The following CPAMD8 variants were observed in gnomAD, a reference collection of about 807,000 sequenced individuals.
CPAMD8 encodes the protein C3 and PZP-like alpha-2-macroglobulin domain-containing protein 8.
Under a neutral mutation model 224.7 loss-of-function variants are expected in CPAMD8, and 146 were observed. The ratio of observed to expected loss-of-function variants is 0.65; its 90% CI spans 0.57 to 0.75. The LOEUF (loss-of-function observed/expected upper bound fraction) is 0.75. Among genes scored for constraint, CPAMD8 ranks in the 30% least tolerant of loss-of-function variants. The pLI, the probability that CPAMD8 is intolerant of heterozygous loss-of-function variation, is 0.00. For missense variants in CPAMD8, 2,301 were observed against 2,537.5 expected (o/e 0.91, Z 2.00); for synonymous variants, 966 against 1,044.6 (o/e 0.92, Z 1.45).
At chr19:16,908,792 A>T (rs2052616097) in intron 29 of CPAMD8, among the ~76,000 whole-genome samples, 1 of 152,152 alleles carries the variant, frequency 6.6e-6, no homozygotes, top group Non-Finnish European at 1.5e-5. Flanking sequence ...TGTGCCAGGG[A>T]TGAACCCGGC....
chr19:16,968,661 C>T (rs1034852559), intron 18 of CPAMD8, among the ~76,000 whole-genome samples: 2 of 152,092 alleles, frequency 1.3e-5, no homozygotes, highest in African/African-American at 4.8e-5. Flanking sequence ...AAATTAGAGA[C>T]AGAGTCTCAC....
chr19:16,944,707 G>A (rs2054012340), intron 22 of CPAMD8, among the ~76,000 whole-genome samples: 1 of 151,230 alleles, frequency 6.6e-6, no homozygotes. Flanking sequence ...TCACATCAAC[G>A]ACACTACAGC....
chr19:16,910,273 G>T (rs193052758), intron 29 of CPAMD8, among the ~76,000 whole-genome samples: 1 of 151,334 alleles, frequency 6.6e-6, no homozygotes, highest in Middle Eastern at 3.4e-3. Context: ...AGGTTCAAGC[G>T]ATTCTTCTGC....
intron 12 of CPAMD8, among the ~76,000 whole-genome samples, chr19:16,992,055 C>T (rs1477504909): frequency 6.6e-5 from 10 of 152,148 alleles, no homozygotes; most frequent in South Asian, 6.2e-4. Context: ...TTCCCATCTA[C>T]GTATTTACTC....
At chr19:16,935,785 T>G (rs1406108788) in intron 23 of CPAMD8, among the ~76,000 whole-genome samples, 1 of 152,202 alleles carries the variant, frequency 6.6e-6, no homozygotes. Context: ...TACTGAGTGG[T>G]GGGGTAGTTG....
chr19:16,946,882 A>G (rs2054119604), intron 21 of CPAMD8, among the ~76,000 whole-genome samples, 192 bp downstream of exon 21: 1 of 152,136 alleles, frequency 6.6e-6, no homozygotes, highest in East Asian at 1.9e-4. Context: ...GTGAGACCCC[A>G]GGGCTTGCCT....
chr19:16,896,359 T>G (rs1410505265), intron 40 of CPAMD8, 33 bp from the exon 41 acceptor site: 1 of 1,560,874 alleles, frequency 6.4e-7, no homozygotes, highest in Non-Finnish European at 8.7e-7. Flanking sequence ...CGGGAGGGCG[T>G]GGCGGGGAGG....
chr19:17,011,048 G>A (rs1168872911), intron 5 of CPAMD8, among the ~76,000 whole-genome samples: 1 of 151,642 alleles, frequency 6.6e-6, no homozygotes, highest in Non-Finnish European at 1.5e-5. Flanking sequence ...AAAAAAATCA[G>A]CCGGGCGTGG....
chr19:16,925,151 G>C, intron 26 of CPAMD8, 45 bp downstream of exon 26: 2 of 1,602,006 alleles, frequency 1.2e-6, no homozygotes, highest in Non-Finnish European at 1.7e-6. Flanking sequence ...GGCTGAACCT[G>C]CCTCCCTTGC....
At chr19:16,896,388 G>C (rs1164615046) in intron 40 of CPAMD8, 62 bp from the exon 41 acceptor site, 3 of 1,521,156 alleles carry the variant, frequency 2.0e-6, no homozygotes, top group Non-Finnish European at 2.6e-6. Flanking sequence ...GGGCCGAGGG[G>C]AGGAGATCCG....
At chr19:17,011,396 T>A in intron 5 of CPAMD8, 68 bp downstream of exon 5, 1 of 1,530,342 alleles carries the variant, frequency 6.5e-7, no homozygotes, top group Non-Finnish European at 9.0e-7. Flanking sequence ...CCGTTTCCGA[T>A]GGTGGCCCTG....
intron 8 of CPAMD8, among the ~76,000 whole-genome samples, chr19:17,003,793 A>AG (rs901447062): frequency 8.6e-5 from 13 of 150,768 alleles, no homozygotes; most frequent in African/African-American, 3.2e-4. Context: ...AAAAAAAAAA[A>AG]GTAAGAGTGT....
chr19:16,959,508 GT>G (rs1366214529), intron 18 of CPAMD8, among the ~76,000 whole-genome samples: 1 of 150,808 alleles, frequency 6.6e-6, no homozygotes, highest in Non-Finnish European at 1.5e-5. Flanking sequence ...TGACATTGAG[GT>G]TTTTTTCATA....
chr19:16,997,902 C>T (rs529890594), intron 10 of CPAMD8, among the ~76,000 whole-genome samples: 85 of 152,234 alleles, frequency 5.6e-4, no homozygotes, highest in African/African-American at 1.9e-3. Flanking sequence ...ACAGAGGGGG[C>T]AGCTGAACCT....
chr19:16,917,021 C>A (rs1412083893), intron 27 of CPAMD8, among the ~76,000 whole-genome samples: 1 of 152,180 alleles, frequency 6.6e-6, no homozygotes, highest in Non-Finnish European at 1.5e-5. Flanking sequence ...GTGGAATTCC[C>A]ATGGTCTAGC....
In CPAMD8 at chr19:16,896,164, CCCAGCTGTTA is replaced by C. The variant is rs778454760; in HGVS notation, c.5426+2_5426+11del. On this transcript the variant is annotated splice_donor_variant and splice_donor_5th_base_variant and intron_variant, in intron 41 of 41. Transcript: ENST00000443236. LOFTEE classifies it high-confidence loss of function. ...CTATGTCTCTTATCTCTGGGGTGGGCCCAGCTGTTACCTGTCCTCCGCCTCCCCTTCAGGC... is the reference window on the plus strand; with the variant it reads ...CTATGTCTCTTATCTCTGGGGTGGGCCCTGTCCTCCGCCTCCCCTTCAGGC... 1 of 1,613,480 alleles carries C rather than the reference CCCAGCTGTTA, an allele frequency of 6.2e-7. No individual in the cohort carries two copies. The highest frequency in any genetic ancestry group is 1.3e-5 in the African/African-American group (1 of 74,958).
Position 16,914,489 on chromosome 19 carries a change from G to A in CPAMD8, c.3796C>T (p.His1266Tyr). Residue 1266 changes from histidine to tyrosine, a missense_variant, in exon 29 of 42, where the codon CAC becomes TAC. By Grantham distance (83) the His-to-Tyr change is moderately conservative (BLOSUM62 2). This residue lies in a region of CPAMD8 where 1,709 missense variants were observed against 1,753.2 expected (regional missense o/e 0.97). Coordinates refer to ENST00000443236, the MANE Select transcript of CPAMD8 (RefSeq NM_015692.5). ...TAGGCTGTCAGCGGGACAGTGCCGT[G>A]GATCCCACCCTGCAAGGGGACTCAC... ...VLNKDIQGGI[H>Y]GTVPLTAYVV... 6.2e-7 allele frequency: 1 copy of A among 1,614,072 alleles called. No homozygotes were observed. Among genetic ancestry groups the A allele is most frequent in the Non-Finnish European group, 8.5e-7 (1 of 1,179,970 alleles).
Position 17,026,598 on chromosome 19 carries a change from C to G in CPAMD8, c.45G>C (p.Leu15=). Residue 15 remains leucine, a synonymous_variant, in exon 1 of 42, where the codon CTG becomes CTC. Transcript: ENST00000443236. ...LLWPLLPLLL[L]LLSARDGVRA... The stretch of plus-strand genomic sequence containing the variant: ...GCACGCCGTCCCGCGCCGACAGCAG[C>G]AGGAGCAGGAGCGGGAGCAACGGCC... The G allele has an allele frequency of 6.6e-7, 1 of 1,521,338 alleles. No homozygotes were observed. Among genetic ancestry groups the G allele is most frequent in the Non-Finnish European group, 8.7e-7 (1 of 1,143,026 alleles). The allele number at this position is 1,521,338 out of a possible 1,614,324, so 94.2% of individuals were successfully genotyped here.
intron 32 of CPAMD8, 22 bp from the exon 33 acceptor site, chr19:16,903,879 G>A (rs1439166701): frequency 6.2e-7 from 1 of 1,609,890 alleles, no homozygotes; most frequent in East Asian, 2.2e-5. Flanking sequence ...GGAGGAGACG[G>A]CCATCAACCC....
Sources: gnomAD v4.1 joint callset for allele counts (sites outside exome capture counted in the v4.1 genomes callset) on GRCh38, gnomAD v4.1.1 for gene constraint, gnomAD v4.1.1 regional missense constraint, MANE v1.5 for transcripts, NCBI Gene and HGNC (gene_info 2026-07-23, HGNC 2026-07-21) for gene names.